GARIN2: variants seen among roughly 807,000 people sequenced by gnomAD.
GARIN2 encodes the protein Golgi-associated RAB2 interactor protein 2.
the GARIN2 span, among the ~76,000 whole-genome samples, chr14:67,195,713 TTGTG>T: frequency 0.066 from 9,482 of 142,944 alleles, 329 homozygotes; most frequent in Middle Eastern, 0.1. Context: ...TTCTTTTTGG[TTGTG>T]TGTGTGTGTG....
chr14:67,210,351 T>C, the GARIN2 span, among the ~76,000 whole-genome samples: 1 of 151,964 alleles, frequency 6.6e-6, no homozygotes, highest in Non-Finnish European at 1.5e-5. Flanking sequence ...TTTGGGAGGC[T>C]GAGGCAGGAG....
chr14:67,210,811 G>A, the GARIN2 span, among the ~76,000 whole-genome samples: 22 of 151,926 alleles, frequency 1.4e-4, no homozygotes, highest in Non-Finnish European at 2.6e-4. Flanking sequence ...CCAGGAGTTC[G>A]AGACCAGCCT....
At chr14:67,207,759 T>A in the GARIN2 span, among the ~76,000 whole-genome samples, 1 of 152,122 alleles carries the variant, frequency 6.6e-6, no homozygotes, top group Non-Finnish European at 1.5e-5. Flanking sequence ...AAGTTTTAGA[T>A]ACAGGTTCTA....
chr14:67,219,292 G>C, the GARIN2 span, among the ~76,000 whole-genome samples: 2 of 152,158 alleles, frequency 1.3e-5, no homozygotes, highest in Non-Finnish European at 2.9e-5. Context: ...CCCTGCAATG[G>C]GAGGTCTCTC....
At chr14:67,212,037 A>G in the GARIN2 span, among the ~76,000 whole-genome samples, 4 of 152,080 alleles carry the variant, frequency 2.6e-5, no homozygotes, top group Non-Finnish European at 4.4e-5. Flanking sequence ...AATCTTAACC[A>G]CTGTGAAGAT....
the GARIN2 span, chr14:67,222,026 G>T: frequency 5.7e-6 from 3 of 527,532 alleles, no homozygotes; most frequent in Non-Finnish European, 9.6e-6. Flanking sequence ...AAACATTATG[G>T]TACTTTACTA....
the GARIN2 span, among the ~76,000 whole-genome samples, chr14:67,210,307 C>T: frequency 1.3e-5 from 2 of 152,234 alleles, no homozygotes; most frequent in African/African-American, 4.8e-5. Context: ...AGAGCTATGG[C>T]TGGCATGGTG....
At chr14:67,199,522 T>A in the GARIN2 span, 1 of 1,612,186 alleles carries the variant, frequency 6.2e-7, no homozygotes. Context: ...CATTTGATGC[T>A]TCAGTTGCAG....
the GARIN2 span, among the ~76,000 whole-genome samples, chr14:67,193,541 ATATATC>A: frequency 6.9e-6 from 1 of 144,466 alleles, no homozygotes; most frequent in African/African-American, 2.5e-5. Context: ...CTATAGAAAT[ATATATC>A]TATATATAGA....
chr14:67,211,416 C>T, the GARIN2 span, among the ~76,000 whole-genome samples: 1 of 152,082 alleles, frequency 6.6e-6, no homozygotes, highest in African/African-American at 2.4e-5. Flanking sequence ...ACCCAATAAA[C>T]TGAACCTAGA....
chr14:67,192,967 G>A, the GARIN2 span, among the ~76,000 whole-genome samples: 19 of 140,002 alleles, frequency 1.4e-4, no homozygotes, highest in African/African-American at 4.5e-4. Flanking sequence ...TCTATATATC[G>A]ATATCTAGAT....
At chr14:67,225,228 G>T in the GARIN2 span, 1 of 1,523,092 alleles carries the variant, frequency 6.6e-7, no homozygotes, top group South Asian at 1.3e-5. Flanking sequence ...AACAGAAAAA[G>T]ACAAAGTTGA....
At chr14:67,221,806 A>C in the GARIN2 span, 6 of 1,613,030 alleles carry the variant, frequency 3.7e-6, no homozygotes, top group Non-Finnish European at 5.1e-6. Context: ...CAAACACTTC[A>C]GGTATGGAAC....
chr14:67,207,455 C>A, the GARIN2 span, among the ~76,000 whole-genome samples: 1 of 151,840 alleles, frequency 6.6e-6, no homozygotes, highest in South Asian at 2.1e-4. Flanking sequence ...GAGGGATCTG[C>A]CCCCGAGACC....
the GARIN2 span, chr14:67,205,121 T>G: frequency 6.5e-7 from 1 of 1,528,088 alleles, no homozygotes; most frequent in South Asian, 1.2e-5. Flanking sequence ...CATGCTTTAA[T>G]AATCGAGAAC....
At chr14:67,213,154 GTATTT>G in the GARIN2 span, among the ~76,000 whole-genome samples, 5 of 145,144 alleles carry the variant, frequency 3.4e-5, no homozygotes, top group Admixed American at 1.4e-4. Flanking sequence ...TTTTTTAAAT[GTATTT>G]TATTTTATTT....
the GARIN2 span, among the ~76,000 whole-genome samples, chr14:67,217,960 T>A: frequency 6.6e-6 from 1 of 152,102 alleles, no homozygotes; most frequent in Non-Finnish European, 1.5e-5. Context: ...TATGAATGGG[T>A]CTTGGGATGT....
chr14:67,196,462 T>C, the GARIN2 span, among the ~76,000 whole-genome samples: 1 of 152,196 alleles, frequency 6.6e-6, no homozygotes, highest in Admixed American at 6.5e-5. Flanking sequence ...CCTAAGGTGA[T>C]CTGCCCGCCT....
chr14:67,224,123 T>A, the GARIN2 span: 2 of 555,244 alleles, frequency 3.6e-6, no homozygotes, highest in East Asian at 1.5e-4. Context: ...GAAAGTTAAA[T>A]TTTTTTTCTC....
Sources: gnomAD v4.1 joint callset for allele counts (sites outside exome capture counted in the v4.1 genomes callset) on GRCh38, gnomAD v4.1.1 for gene constraint, MANE v1.5 for transcripts, NCBI Gene and HGNC (gene_info 2026-07-23, HGNC 2026-07-21) for gene names.